Variants in GLOD4 observed in about 807,000 individuals in gnomAD.
GLOD4 encodes the protein glyoxalase domain-containing protein 4.
Under a neutral mutation model 39.1 loss-of-function variants are expected in GLOD4, and 44 were observed. The ratio of observed to expected loss-of-function variants is 1.13; its 90% CI spans 0.88 to 1.45. The LOEUF (loss-of-function observed/expected upper bound fraction) is 1.45, where lower values mean the gene tolerates loss of function less well. Among genes scored for constraint, GLOD4 ranks in the 40% most tolerant of loss-of-function variants. GLOD4 has a pLI of 0.00. For missense variants in GLOD4, 405 were observed against 366.4 expected, an observed-to-expected ratio of 1.11 and a Z score of -0.86; for synonymous variants, 145 against 135.0, an observed-to-expected ratio of 1.07 and a Z score of -0.52.
intron 3 of GLOD4, among the ~76,000 whole-genome samples, chr17:776,575 T>C (rs1908998282): frequency 6.6e-6 from 1 of 152,186 alleles, no homozygotes; most frequent in Non-Finnish European, 1.5e-5. Context: ...TCTTACCCCA[T>C]GGCACTGCCG....
At chr17:780,917 CTTT>C (rs897931602) in intron 1 of GLOD4, among the ~76,000 whole-genome samples, 1 of 120,836 alleles carries the variant, frequency 8.3e-6, no homozygotes, top group South Asian at 2.9e-4. Flanking sequence ...GGTGTTGAAT[CTTT>C]TTTTTTTTTT....
At chr17:768,608 TGA>T (rs538920850) in intron 8 of GLOD4, among the ~76,000 whole-genome samples, 1 of 109,786 alleles carries the variant, frequency 9.1e-6, no homozygotes, top group Non-Finnish European at 1.8e-5. Context: ...GGAGAGGACG[TGA>T]GAGAGAGAAA....
intron 8 of GLOD4, among the ~76,000 whole-genome samples, chr17:767,569 G>A (rs960389127): frequency 1.3e-5 from 2 of 149,604 alleles, no homozygotes; most frequent in African/African-American, 5.0e-5. Flanking sequence ...GAGAGAAACA[G>A]CGCACACTCA....
intron 4 of GLOD4, among the ~76,000 whole-genome samples, chr17:771,745 C>T (rs1597582790): frequency 6.6e-6 from 1 of 152,210 alleles, no homozygotes; most frequent in African/African-American, 2.4e-5. Flanking sequence ...TGGCTGATGC[C>T]TGTAATCCCA....
intron 3 of GLOD4, 84 bp downstream of exon 3, chr17:776,782 TCA>T: frequency 1.0e-6 from 1 of 990,740 alleles, no homozygotes; most frequent in Non-Finnish European, 1.6e-6. Flanking sequence ...ATCTCTTCAC[TCA>T]CACACACCCT....
chr17:775,260 CA>C (rs113281349), intron 4 of GLOD4, among the ~76,000 whole-genome samples: 94 of 140,596 alleles, frequency 6.7e-4, no homozygotes, highest in Non-Finnish European at 6.4e-4. Context: ...GACAGAGTCT[CA>C]AAAAAAAAAA....
chr17:778,295 G>A (rs891796022), intron 2 of GLOD4: 3 of 321,498 alleles, frequency 9.3e-6, no homozygotes, highest in Middle Eastern at 8.2e-4. Context: ...GGCGCCTGAC[G>A]TGGCGGAAAA....
At chr17:765,233 G>A (rs1906308817) in intron 8 of GLOD4, 2 of 150,716 alleles carry the variant, frequency 1.3e-5, no homozygotes, top group Non-Finnish European at 1.5e-5. Context: ...TCTGAGTAGT[G>A]GTTGTATGAG....
intron 2 of GLOD4, 197 bp downstream of exon 2, chr17:778,495 CCTT>C: frequency 1.7e-6 from 1 of 599,326 alleles, no homozygotes; most frequent in Admixed American, 2.9e-5. Flanking sequence ...TAATTTACTG[CCTT>C]CTTAATTAAT....
chr17:784,034 C>T (rs1222692364), upstream of GLOD4, among the ~76,000 whole-genome samples: 1 of 152,236 alleles, frequency 6.6e-6, no homozygotes, highest in Admixed American at 6.5e-5. Context: ...CCACAATTTA[C>T]TGCCCCGTTT....
At position 780,917 on chromosome 17, in the gene GLOD4, C is replaced by CTTTT. The variant is rs897931602; in HGVS notation, c.90+1245_90+1248dup. Reference sequence around the variant, plus strand: ...CTATACATATAATAAGGTGTTGAATCTTTTTTTTTTTTTTTTTTTTGAGAC... The same window carrying CTTTT: ...CTATACATATAATAAGGTGTTGAATCTTTTTTTTTTTTTTTTTTTTTTTTGAGAC... On this transcript the variant is annotated intron_variant, in intron 1 of 8. Transcript: ENST00000301329. Among the ~76,000 whole-genome samples, 86 of 120,838 alleles carry CTTTT rather than the reference C, an allele frequency of 7.1e-4. 1 individual carries two copies. Among genetic ancestry groups the CTTTT allele is most frequent in the African/African-American group, 2.5e-3 (81 of 32,194 alleles). The allele number at this position is 120,838 out of a possible 152,430, so 79.3% of individuals were successfully genotyped here.
At chr17:785,099 G>A (rs1182049635), upstream of GLOD4, among the ~76,000 whole-genome samples, 1 of 152,120 alleles carries the variant, frequency 6.6e-6, no homozygotes, top group African/African-American at 2.4e-5. Flanking sequence ...TCCCTTGGGA[G>A]CAGACTACAA....
intron 8 of GLOD4, among the ~76,000 whole-genome samples, chr17:762,677 C>A (rs56110817): frequency 0.086 from 12,466 of 144,734 alleles, 473 homozygotes; most frequent in Middle Eastern, 0.18. Context: ...GGAATAATTT[C>A]ATCACCATCC....
intron 8 of GLOD4, among the ~76,000 whole-genome samples, chr17:761,533 T>C (rs760913133): frequency 1.3e-5 from 2 of 152,220 alleles, no homozygotes. Context: ...AAATGGAGTT[T>C]TGCTCTTGTC....
upstream of GLOD4, chr17:782,551 C>G: frequency 1.2e-6 from 2 of 1,613,932 alleles, no homozygotes; most frequent in Non-Finnish European, 1.7e-6. Flanking sequence ...GGGAAGCAGC[C>G]CCGCAAGGCA....
intron 8 of GLOD4, among the ~76,000 whole-genome samples, chr17:768,093 G>C (rs928195735): frequency 2.1e-5 from 3 of 140,648 alleles, no homozygotes; most frequent in African/African-American, 8.5e-5. Flanking sequence ...TTTAGAAGAA[G>C]AAATCTGGAG....
Position 764,127 on chromosome 17 carries a change from A to C in GLOD4, c.832-3889T>G, listed in dbSNP as rs111344068. The C allele has an allele frequency of 4.6e-5, 7 of 152,324 alleles. 1 individual carries two copies. The highest frequency in any genetic ancestry group is 1.7e-4 in the African/African-American group (7 of 41,560). 9.4% of individuals were successfully genotyped at this position (152,324 alleles called of 1,614,324 possible). On this transcript the variant is annotated intron_variant, in intron 8 of 8. Coordinates refer to ENST00000301329, the MANE Select transcript of GLOD4 (RefSeq NM_016080.4). ...AAATAAGTAAATGGCTAATAAGCAC[A>C]TGAGAAGGTGCTCAATATCATTAGT...
At chr17:777,195 T>C (rs1909110186) in intron 2 of GLOD4, 2 of 573,844 alleles carry the variant, frequency 3.5e-6, no homozygotes, top group Middle Eastern at 4.6e-4. Flanking sequence ...ATCCAGCATC[T>C]ACCTGAAGGA....
chr17:771,149 T>G, intron 5 of GLOD4, 176 bp downstream of exon 5: 1 of 481,938 alleles, frequency 2.1e-6, no homozygotes, highest in South Asian at 3.4e-5. Flanking sequence ...AATATCTGGG[T>G]GGTAAGGTTA....
Sources: gnomAD v4.1 joint callset for allele counts (sites outside exome capture counted in the v4.1 genomes callset) on GRCh38, gnomAD v4.1.1 for gene constraint, MANE v1.5 for transcripts, NCBI Gene and HGNC (gene_info 2026-07-23, HGNC 2026-07-21) for gene names.